ACOXL: variants seen among roughly 807,000 people sequenced by gnomAD.
ACOXL encodes the protein acyl-coenzyme A oxidase-like protein.
In ACOXL, 70 loss-of-function variants were observed where a neutral mutation model predicts 71.9. That is an observed-to-expected ratio of 0.97 (90% confidence interval 0.80 to 1.19). The LOEUF (loss-of-function observed/expected upper bound fraction) is 1.19, where lower values mean the gene tolerates loss of function less well. Ranked by LOEUF, ACOXL falls within the 50% of genes most tolerant of loss-of-function variation. The pLI, the probability that ACOXL is intolerant of heterozygous loss-of-function variation, is 0.00. For synonymous variants in ACOXL, 253 were observed against 281.6 expected (o/e 0.90, Z 1.02); for missense variants, 703 against 736.3 (o/e 0.95, Z 0.52).
rs555467609 is a variant in ACOXL at position 110,989,853 on chromosome 2, C to A, written c.1169+2636C>A. On this transcript the variant is annotated intron_variant, in intron 13 of 17. Transcript: ENST00000439055. ...GTCAGGAGTTTGAGACCAGCCTGGG[C>A]AACATGGTGAAACCCCGTCTCTACT... 1.4e-4 allele frequency among the ~76,000 whole-genome samples: 22 copies of A among 152,158 alleles called. No homozygotes were observed. In the South Asian group the frequency reaches 4.4e-3, roughly 30 times the overall value.
chr2:110,761,712 T>C (rs766113997), intron 1 of ACOXL, among the ~76,000 whole-genome samples: 3 of 152,224 alleles, frequency 2.0e-5, no homozygotes, highest in Non-Finnish European at 4.4e-5. Flanking sequence ...TTTATTCTTA[T>C]CCCAGAAACT....
At chr2:110,898,178 CAA>C (rs1259482183) in intron 10 of ACOXL, among the ~76,000 whole-genome samples, 1 of 84,206 alleles carries the variant, frequency 1.2e-5, no homozygotes, top group Non-Finnish European at 2.8e-5. Context: ...TTATTAATAG[CAA>C]CAGTCTATAC....
At chr2:111,081,141 A>G (rs1483295358) in intron 16 of ACOXL, among the ~76,000 whole-genome samples, 2 of 152,184 alleles carry the variant, frequency 1.3e-5, no homozygotes, top group African/African-American at 4.8e-5. Context: ...CACCACTCCT[A>G]TTCAACATAG....
At chr2:111,074,494 A>G (rs1457053198) in intron 16 of ACOXL, among the ~76,000 whole-genome samples, 3 of 152,178 alleles carry the variant, frequency 2.0e-5, no homozygotes, top group East Asian at 1.9e-4. Context: ...TTTTTAAATC[A>G]GGAATTAATG....
intron 9 of ACOXL, among the ~76,000 whole-genome samples, chr2:110,809,218 G>A (rs932344763): frequency 1.3e-5 from 2 of 152,244 alleles, no homozygotes; most frequent in Admixed American, 1.3e-4. Context: ...GCTCCCCATA[G>A]TATGTGCTTC....
chr2:110,798,833 C>A, intron 6 of ACOXL, 109 bp downstream of exon 6: 2 of 1,200,568 alleles, frequency 1.7e-6, no homozygotes, highest in Non-Finnish European at 2.4e-6. Context: ...TCAGTACTAA[C>A]TTTATCTCCT....
chr2:110,942,934 AAAG>A (rs2060922354), intron 12 of ACOXL, among the ~76,000 whole-genome samples: 1 of 148,680 alleles, frequency 6.7e-6, no homozygotes, highest in South Asian at 2.2e-4. Context: ...AGAAAGAAAG[AAAG>A]AAGAAAGAAA....
At chr2:110,963,828 C>T in intron 12 of ACOXL, 1 of 1,411,554 alleles carries the variant, frequency 7.1e-7, no homozygotes, top group Non-Finnish European at 9.6e-7. Flanking sequence ...TCCTGTTAGG[C>T]ACTTGATATT....
At chr2:110,886,728 C>T in intron 10 of ACOXL, 1 of 1,549,862 alleles carries the variant, frequency 6.5e-7, no homozygotes, top group African/African-American at 1.4e-5. Context: ...TGGAGTTAGC[C>T]TTGCGGAAGA....
rs1256712336 is a variant in ACOXL, at chr2:110,752,797, G to A, written c.-22-15571G>A. 4.6e-5 allele frequency among the ~76,000 whole-genome samples: 7 copies of A among 151,984 alleles called. No individual in the cohort carries two copies. The East Asian group carries it at 1.2e-3, about 25-fold the overall frequency. ...ATGTAACAAATTACTCCAAAATTTA[G>A]CAGCTTAAACCCCAATATATATTGT... On this transcript the variant is annotated intron_variant, in intron 1 of 17. Transcript: ENST00000439055.
intron 9 of ACOXL, 101 bp downstream of exon 9, chr2:110,805,496 G>A (rs999312418): frequency 6.6e-7 from 1 of 1,509,726 alleles, no homozygotes; most frequent in Non-Finnish European, 9.0e-7. Context: ...GCCACAGTTG[G>A]TATAATATGG....
At chr2:111,049,310 T>TTATTTC in intron 16 of ACOXL, 22 bp downstream of exon 16, 1 of 1,577,792 alleles carries the variant, frequency 6.3e-7, no homozygotes, top group Non-Finnish European at 8.7e-7. Context: ...GATAAAGAAC[T>TTATTTC]TATTTCCTAA....
chr2:111,061,777 C>T (rs1367041168), intron 16 of ACOXL, among the ~76,000 whole-genome samples: 1 of 151,880 alleles, frequency 6.6e-6, no homozygotes, highest in Non-Finnish European at 1.5e-5. Flanking sequence ...TGCACGTAGA[C>T]CATGAAAAGT....
intron 2 of ACOXL, among the ~76,000 whole-genome samples, chr2:110,771,965 C>T (rs1397032275): frequency 1.3e-5 from 2 of 152,202 alleles, no homozygotes; most frequent in Non-Finnish European, 2.9e-5. Flanking sequence ...TGGAAGCTGA[C>T]AGAGTCTGAC....
chr2:110,760,674 A>G (rs992568348), intron 1 of ACOXL, among the ~76,000 whole-genome samples: 1 of 152,236 alleles, frequency 6.6e-6, no homozygotes, highest in African/African-American at 2.4e-5. Context: ...GGCCAAGACA[A>G]GTGAGCTGTT....
At chr2:110,880,153 C>CAAAAAAAAAAAAAAAAAA (rs56852121) in intron 10 of ACOXL, among the ~76,000 whole-genome samples, 1 of 84,738 alleles carries the variant, frequency 1.2e-5, no homozygotes, top group Non-Finnish European at 2.3e-5. Context: ...CTGTCACAAA[C>CAAAAAAAAAAAAAAAAAA]AAAAAAAAAA....
chr2:110,827,282 A>G (rs1171483797), intron 9 of ACOXL, among the ~76,000 whole-genome samples: 1 of 152,164 alleles, frequency 6.6e-6, no homozygotes, highest in Non-Finnish European at 1.5e-5. Flanking sequence ...GATAAAAGCC[A>G]GGGTGGGGCA....
At chr2:110,944,888 T>C (rs2061039006) in intron 12 of ACOXL, among the ~76,000 whole-genome samples, 2 of 152,272 alleles carry the variant, frequency 1.3e-5, no homozygotes, top group Admixed American at 1.3e-4. Flanking sequence ...GGTTGAATGG[T>C]AATTCTGTTT....
At chr2:110,840,843 T>C (rs1446601648) in intron 9 of ACOXL, among the ~76,000 whole-genome samples, 2 of 152,216 alleles carry the variant, frequency 1.3e-5, no homozygotes, top group Admixed American at 1.3e-4. Context: ...CTTGAGCTTA[T>C]GGGATCAGTG....
Sources: allele counts gnomAD v4.1 joint callset (sites outside exome capture counted in the v4.1 genomes callset), GRCh38; gene constraint gnomAD v4.1.1; transcripts MANE v1.5; gene names NCBI Gene and HGNC (gene_info 2026-07-23, HGNC 2026-07-21).